Variants in SCAF4 observed in about 807,000 individuals in gnomAD.
SCAF4 encodes the protein SR-related and CTD-associated factor 4.
Under a neutral mutation model 129.8 loss-of-function variants are expected in SCAF4, and 25 were observed. That is an observed-to-expected ratio of 0.19 (90% CI 0.14 to 0.27). The LOEUF is 0.27. Ranked by LOEUF, SCAF4 falls within the 10% of genes least tolerant of loss-of-function variation. The pLI, the probability that SCAF4 is intolerant of heterozygous loss-of-function variation, is 1.00. For missense variants in SCAF4, 1,246 were observed against 1,457.1 expected (o/e 0.86, Z 2.36); for synonymous variants, 551 against 497.7 (o/e 1.11, Z -1.43).
intron 7 of SCAF4, among the ~76,000 whole-genome samples, chr21:31,699,402 G>A (rs959158694): frequency 6.6e-6 from 1 of 151,606 alleles, no homozygotes; most frequent in Non-Finnish European, 1.5e-5. Context: ...GTTTATGTTC[G>A]TATGTGCATG....
chr21:31,720,256 C>T (rs919662808), intron 1 of SCAF4, among the ~76,000 whole-genome samples: 4 of 152,182 alleles, frequency 2.6e-5, no homozygotes, highest in African/African-American at 9.7e-5. Flanking sequence ...TTAATGCTAG[C>T]ATTTATAAAA....
intron 7 of SCAF4, among the ~76,000 whole-genome samples, chr21:31,698,306 A>G (rs1231966781): frequency 1.3e-5 from 2 of 152,214 alleles, no homozygotes; most frequent in East Asian, 3.8e-4. Flanking sequence ...AGAAAAGCAC[A>G]GAATTCCTTT....
chr21:31,717,498 CTTTAA>C (rs1327665734), intron 1 of SCAF4, among the ~76,000 whole-genome samples: 2 of 151,942 alleles, frequency 1.3e-5, no homozygotes, highest in African/African-American at 4.8e-5. Flanking sequence ...TAAAAATGAA[CTTTAA>C]TTTGTATCTG....
intron 1 of SCAF4, among the ~76,000 whole-genome samples, chr21:31,723,050 C>T (rs2051109589): frequency 2.0e-5 from 3 of 152,206 alleles, no homozygotes; most frequent in Non-Finnish European, 4.4e-5. Flanking sequence ...CGCTGCCAAA[C>T]ACAGTATGAT....
chr21:31,681,776 T>C (rs1230879876), intron 19 of SCAF4, among the ~76,000 whole-genome samples: 1 of 152,198 alleles, frequency 6.6e-6, no homozygotes, highest in East Asian at 1.9e-4. Flanking sequence ...ACTCAACTAA[T>C]TACTCCCAAA....
chr21:31,682,340 C>T (rs559375490), intron 19 of SCAF4, among the ~76,000 whole-genome samples: 2 of 151,140 alleles, frequency 1.3e-5, no homozygotes, highest in African/African-American at 4.9e-5. Flanking sequence ...GATTGCGCCA[C>T]TGCACTCCAA....
intron 1 of SCAF4, 106 bp downstream of exon 1, chr21:31,731,557 G>T: frequency 7.4e-7 from 1 of 1,352,958 alleles, no homozygotes; most frequent in Admixed American, 1.9e-5. Flanking sequence ...AACCGGGGCA[G>T]GAAGCGTCCC....
intron 1 of SCAF4, among the ~76,000 whole-genome samples, chr21:31,725,919 G>A (rs764016788): frequency 6.6e-6 from 1 of 151,884 alleles, no homozygotes; most frequent in African/African-American, 2.4e-5. Context: ...TTAACATATT[G>A]TAATAAGTTT....
At position 31,685,668 on chromosome 21, in the gene SCAF4, A is replaced by G; in HGVS notation, c.2109T>C (p.Pro703=). The change falls in exon 17 of 20, where the codon CCT becomes CCC. Residue 703 remains proline (P), a synonymous_variant. Transcript: ENST00000286835. ...CAAAGCCTGGAGGCGGTATTCCCAG[A>G]GGAGGCGTGAAAGCAGGCGGCTGGA... ...GALQPPAFTP[P]LGIPPPGFGP... The G allele has an allele frequency of 6.2e-7, 1 of 1,613,680 alleles. No individual in the cohort carries two copies. Among genetic ancestry groups the G allele is most frequent in the East Asian group, 2.2e-5 (1 of 44,874 alleles).
chr21:31,694,700 T>C, intron 10 of SCAF4, 113 bp downstream of exon 10: 1 of 1,023,634 alleles, frequency 9.8e-7, no homozygotes, highest in East Asian at 2.6e-5. Context: ...GTTTAATATG[T>C]ACCCAGGTCT....
intron 19 of SCAF4, among the ~76,000 whole-genome samples, chr21:31,679,162 A>G (rs943800115): frequency 6.6e-6 from 1 of 151,934 alleles, no homozygotes. Context: ...TTTTCTTTCA[A>G]CCTCCTTTTC....
At position 31,694,911 on chromosome 21, in the gene SCAF4, C is replaced by T. The variant is rs771684568; in HGVS notation, c.1138G>A (p.Ala380Thr). 6.2e-6 allele frequency: 10 copies of T among 1,613,824 alleles called. No individual in the cohort carries two copies. The highest frequency in any genetic ancestry group is 8.5e-6 in the Non-Finnish European group (10 of 1,179,900). Residue 380 changes from alanine to threonine, a missense_variant, in exon 10 of 20, where the codon GCT becomes ACT. Coordinates refer to ENST00000286835, the MANE Select transcript of SCAF4 (RefSeq NM_020706.2). ...GGAGTTGGAGGAATCACAGGCTGAG[C>T]CATGGGAGGAAATGGAGGTGTAGGA... ...LLPTPPFPPM[A>T]QPVIPPTPPV...
chr21:31,713,753 G>A (rs2050859202), intron 1 of SCAF4, among the ~76,000 whole-genome samples: 1 of 148,716 alleles, frequency 6.7e-6, no homozygotes, highest in Non-Finnish European at 1.5e-5. Flanking sequence ...AGCGGGGGTG[G>A]GGTGGGGGGG....
intron 7 of SCAF4, among the ~76,000 whole-genome samples, chr21:31,698,332 C>T (rs1159907885): frequency 6.6e-6 from 1 of 152,042 alleles, no homozygotes; most frequent in African/African-American, 2.4e-5. Context: ...AACTTATGGG[C>T]CAGTCCACTT....
intron 19 of SCAF4, among the ~76,000 whole-genome samples, chr21:31,680,633 G>T (rs2049973933): frequency 6.6e-6 from 1 of 152,004 alleles, no homozygotes; most frequent in African/African-American, 2.4e-5. Context: ...CACAAAAATT[G>T]TTTTTTAAAA....
At chr21:31,675,948 C>T (rs73201508) in intron 19 of SCAF4, among the ~76,000 whole-genome samples, 3,200 of 152,094 alleles carry the variant, frequency 0.021, 42 homozygotes, top group Non-Finnish European at 0.032. Flanking sequence ...TTGAAATCTC[C>T]GGAGAATGTG....
intron 1 of SCAF4, among the ~76,000 whole-genome samples, chr21:31,728,797 C>A (rs866617882): frequency 2.0e-5 from 3 of 152,222 alleles, no homozygotes; most frequent in Middle Eastern, 3.4e-3. Context: ...CCTATAAGCC[C>A]AACTACTTGC....
In SCAF4 at chr21:31,671,297, C is replaced by T. The variant is rs895041041; in HGVS notation, c.*102G>A. 18 of 1,324,190 alleles carry T rather than the reference C, an allele frequency of 1.4e-5. No individual in the cohort carries two copies. Among genetic ancestry groups the T allele is most frequent in the Middle Eastern group, 2.7e-4 (1 of 3,672 alleles). The allele number at this position is 1,324,190 out of a possible 1,614,324, so 82.0% of individuals were successfully genotyped here. A position where few individuals can be genotyped will look rare whatever the true frequency, so the allele number is the denominator to read the frequency against. On this transcript the variant is annotated 3_prime_UTR_variant, in exon 20 of 20. Transcript: ENST00000286835. The stretch of plus-strand genomic sequence containing the variant: ...GCTTACAGTTCCCCACCAGCTGGCG[C>T]GGGGCTGCAGTACAGCGGGAGCGGA...
rs907420618 is a variant in SCAF4, at chr21:31,696,482, T to C, written c.959+87A>G. 7.3e-6 allele frequency: 9 copies of C among 1,235,756 alleles called. No homozygotes were observed. The African/African-American group carries it at 1.4e-4, about 19-fold the overall frequency. The allele number at this position is 1,235,756 out of a possible 1,614,324, so 76.5% of individuals were successfully genotyped here. A position where few individuals can be genotyped will look rare whatever the true frequency, so the allele number is the denominator to read the frequency against. ...TTTTACAAAACAACTTCATAGAACA[T>C]TGTTGTCATTGCTAAATGTTACTTA... On this transcript the variant is annotated intron_variant, in intron 8 of 19. Coordinates refer to ENST00000286835, the MANE Select transcript of SCAF4 (RefSeq NM_020706.2).
Sources: gnomAD v4.1 joint callset for allele counts (sites outside exome capture counted in the v4.1 genomes callset) on GRCh38, gnomAD v4.1.1 for gene constraint, MANE v1.5 for transcripts, NCBI Gene and HGNC (gene_info 2026-07-23, HGNC 2026-07-21) for gene names.